MYO3B: variants seen among roughly 807,000 people sequenced by gnomAD.
MYO3B encodes myosin IIIB.
In MYO3B, 156 loss-of-function variants were observed where a neutral mutation model predicts 174.6. The ratio of observed to expected loss-of-function variants is 0.89; its 90% CI spans 0.78 to 1.02. The LOEUF is 1.02. Among genes scored for constraint, MYO3B ranks in the 50% least tolerant of loss-of-function variants. MYO3B has a pLI of 0.00. For synonymous variants in MYO3B, 563 were observed against 569.1 expected, an observed-to-expected ratio of 0.99 and a Z score of 0.15; for missense variants, 1,632 against 1,639.4, an observed-to-expected ratio of 1.00 and a Z score of 0.08.
chr2:170,500,229 G>A (rs1403557849), intron 27 of MYO3B, among the ~76,000 whole-genome samples: 1 of 152,198 alleles, frequency 6.6e-6, no homozygotes, highest in East Asian at 1.9e-4. Context: ...GATGGTTGAA[G>A]CTTAAATACC....
At chr2:170,434,421 C>T (rs566650918) in intron 22 of MYO3B, among the ~76,000 whole-genome samples, 2 of 152,170 alleles carry the variant, frequency 1.3e-5, no homozygotes, top group Admixed American at 1.3e-4. Flanking sequence ...CAATGGTGAG[C>T]GCACACTTGG....
chr2:170,367,964 A>T (rs1431636245), intron 8 of MYO3B, among the ~76,000 whole-genome samples: 1 of 152,194 alleles, frequency 6.6e-6, no homozygotes, highest in East Asian at 1.9e-4. Flanking sequence ...ATAGATAGGG[A>T]ATCCCCTGAA....
chr2:170,338,318 G>A (rs571714821), intron 8 of MYO3B: 1 of 152,238 alleles, frequency 6.6e-6, no homozygotes, highest in Admixed American at 6.5e-5. Flanking sequence ...TGATTATGTG[G>A]TTTAGTACTA....
chr2:170,254,876 C>T (rs1241483207), intron 7 of MYO3B, among the ~76,000 whole-genome samples: 1 of 152,202 alleles, frequency 6.6e-6, no homozygotes, highest in Non-Finnish European at 1.5e-5. Context: ...CCCTGAACAC[C>T]TGGAATCGTG....
intron 22 of MYO3B, among the ~76,000 whole-genome samples, chr2:170,424,544 G>A (rs1269391892): frequency 6.6e-6 from 1 of 152,124 alleles, no homozygotes; most frequent in Non-Finnish European, 1.5e-5. Flanking sequence ...TTGAACCAGG[G>A]AGGTGGAGGT....
At chr2:170,305,168 G>A (rs1338491018) in intron 7 of MYO3B, among the ~76,000 whole-genome samples, 2 of 152,048 alleles carry the variant, frequency 1.3e-5, no homozygotes, top group Non-Finnish European at 2.9e-5. Flanking sequence ...TGAATAACCT[G>A]TTGTTTCAAC....
intron 24 of MYO3B, among the ~76,000 whole-genome samples, chr2:170,465,087 G>A (rs532135798): frequency 1.3e-5 from 2 of 151,562 alleles, no homozygotes; most frequent in South Asian, 2.1e-4. Context: ...TGGCCAGTCC[G>A]GTCTCGAACT....
intron 32 of MYO3B, among the ~76,000 whole-genome samples, chr2:170,569,881 G>C (rs1331000144): frequency 1.5e-5 from 2 of 136,598 alleles, no homozygotes; most frequent in Non-Finnish European, 3.2e-5. Flanking sequence ...AAAAAAAAAA[G>C]TAAGAAAACT....
chr2:170,197,368 AG>A, intron 1 of MYO3B, among the ~76,000 whole-genome samples: 1 of 152,196 alleles, frequency 6.6e-6, no homozygotes, highest in East Asian at 1.9e-4. Flanking sequence ...AGGCAGTTAC[AG>A]GGAATGTTGC....
At chr2:170,315,688 A>C (rs192252958) in intron 7 of MYO3B, among the ~76,000 whole-genome samples, 1 of 152,242 alleles carries the variant, frequency 6.6e-6, no homozygotes, top group Non-Finnish European at 1.5e-5. Context: ...AATGTTTTAC[A>C]TGAATCATTT....
chr2:170,334,169 T>C (rs528123590), intron 7 of MYO3B: 35 of 152,312 alleles, frequency 2.3e-4, no homozygotes, highest in African/African-American at 7.2e-4. Flanking sequence ...GAATGGCATG[T>C]CTCCCCTCTT....
chr2:170,643,080 T>A (rs994939653), intron 32 of MYO3B, among the ~76,000 whole-genome samples: 2 of 152,018 alleles, frequency 1.3e-5, no homozygotes, highest in Admixed American at 1.3e-4. Flanking sequence ...GGCATTAGTA[T>A]TTTAAAAGTT....
At chr2:170,648,295 G>A (rs528548512) in intron 32 of MYO3B, among the ~76,000 whole-genome samples, 1 of 152,228 alleles carries the variant, frequency 6.6e-6, no homozygotes, top group South Asian at 2.1e-4. Context: ...AAGGCTGTTG[G>A]ACCTTCTGCA....
intron 22 of MYO3B, among the ~76,000 whole-genome samples, chr2:170,438,054 A>G (rs1268937468): frequency 6.6e-6 from 1 of 151,902 alleles, no homozygotes; most frequent in Non-Finnish European, 1.5e-5. Flanking sequence ...TGTGACTAAA[A>G]CTCAATACCC....
At chr2:170,527,684 G>C (rs1284948644) in intron 30 of MYO3B, among the ~76,000 whole-genome samples, 1 of 152,210 alleles carries the variant, frequency 6.6e-6, no homozygotes, top group Non-Finnish European at 1.5e-5. Flanking sequence ...TTCTGGCCCA[G>C]GTTTGTGTCC....
chr2:170,262,909 T>C (rs2093355872), intron 7 of MYO3B, among the ~76,000 whole-genome samples: 1 of 152,212 alleles, frequency 6.6e-6, no homozygotes, highest in African/African-American at 2.4e-5. Flanking sequence ...CCACATTTAA[T>C]GCATACTTAA....
chr2:170,514,922 G>T lies in MYO3B; in HGVS notation c.3372G>T (p.Gly1124=). The change falls in exon 29 of 35, where the codon GGG becomes GGT. Residue 1124 remains glycine (G), a splice_region_variant and synonymous_variant. Transcript: ENST00000408978. ...AAGTCTTTTTGTTTCATTCCACAGG[G>T]GACACTTCAAACCAAAGCAGTGGGC... ...RNESAAHNQA[G]DTSNQSSGPH... is the part of the protein sequence containing the mutation. The T allele has an allele frequency of 6.2e-7, 1 of 1,613,360 alleles. No homozygotes were observed. The highest frequency in any genetic ancestry group is 8.5e-7 in the Non-Finnish European group (1 of 1,179,628).
chr2:170,508,285 AAAC>A (rs1259722905), intron 28 of MYO3B, among the ~76,000 whole-genome samples: 1 of 152,216 alleles, frequency 6.6e-6, no homozygotes, highest in African/African-American at 2.4e-5. Flanking sequence ...ACACAGAATG[AAAC>A]AACATTATTA....
intron 8 of MYO3B, among the ~76,000 whole-genome samples, chr2:170,360,476 T>G (rs186074053): frequency 2.6e-5 from 4 of 152,370 alleles, no homozygotes; most frequent in African/African-American, 9.6e-5. Flanking sequence ...TTGAAAGTTC[T>G]GATCAGGGCA....
Sources: gnomAD v4.1 joint callset for allele counts (sites outside exome capture counted in the v4.1 genomes callset) on GRCh38, gnomAD v4.1.1 for gene constraint, MANE v1.5 for transcripts, NCBI Gene and HGNC (gene_info 2026-07-23, HGNC 2026-07-21) for gene names.